The following C12orf42 variants were observed in gnomAD, a reference collection of about 807,000 sequenced individuals.
C12orf42 encodes the protein chromosome 12 open reading frame 42.
Under a neutral mutation model 21.6 loss-of-function variants are expected in C12orf42, and 25 were observed. The ratio of observed to expected loss-of-function variants is 1.16; its 90% CI spans 0.84 to 1.62. The LOEUF is 1.62. Among genes scored for constraint, C12orf42 ranks in the 40% most tolerant of loss-of-function variants. C12orf42 has a pLI of 0.00. For synonymous variants in C12orf42, 174 were observed against 175.0 expected, an observed-to-expected ratio of 0.99 and a Z score of 0.05; for missense variants, 483 against 459.3, an observed-to-expected ratio of 1.05 and a Z score of -0.47.
At chr12:103,119,958 A>T in the C12orf42 span, among the ~76,000 whole-genome samples, 2 of 152,202 alleles carry the variant, frequency 1.3e-5, no homozygotes, top group Non-Finnish European at 2.9e-5. Flanking sequence ...GCTTCTGAGG[A>T]AATCTGCCAT....
chr12:103,106,492 T>C, the C12orf42 span, among the ~76,000 whole-genome samples: 3,453 of 152,192 alleles, frequency 0.023, 55 homozygotes, highest in African/African-American at 0.044. Flanking sequence ...TATGGAATTA[T>C]AATTTTAGAC....
the C12orf42 span, among the ~76,000 whole-genome samples, chr12:103,182,649 T>C: frequency 1.4e-3 from 218 of 152,314 alleles, 5 homozygotes; most frequent in Admixed American, 0.013. Context: ...CTCTTATATT[T>C]CTATTTTTCA....
Position 103,421,578 on chromosome 12 carries a change from TATAAATAAATAAATAAATAA to T in C12orf42, c.79-19923_79-19904del, listed in dbSNP as rs58157140. Among the ~76,000 whole-genome samples the T allele has an allele frequency of 3.8e-3, 564 of 147,300 alleles. 7 individuals carry two copies. The highest frequency in any genetic ancestry group is 0.013 in the African/African-American group (514 of 39,804). On this transcript the variant is annotated intron_variant, in intron 2 of 5. Transcript: ENST00000548883. ...AACAGAGCAAGACCTTGTCAATAAA[TATAAATAAATAAATAAATAA>T]ATAAATAAATAAATAAATAAATATC... is the stretch of plus-strand genomic sequence containing the variant.
chr12:103,074,689 C>A, the C12orf42 span, among the ~76,000 whole-genome samples: 1 of 152,106 alleles, frequency 6.6e-6, no homozygotes, highest in Admixed American at 6.6e-5. Flanking sequence ...ATAGTGATAC[C>A]TATAAAGTTA....
the C12orf42 span, among the ~76,000 whole-genome samples, chr12:103,560,430 C>G: frequency 0.064 from 722 of 11,220 alleles, 3 homozygotes; most frequent in African/African-American, 0.11. Context: ...GTGTCTTCAT[C>G]TTTTAAATAA....
At chr12:103,389,699 C>T (rs895303471) in intron 3 of C12orf42, among the ~76,000 whole-genome samples, 7 of 152,156 alleles carry the variant, frequency 4.6e-5, no homozygotes, top group South Asian at 2.1e-4. Context: ...ACGCAGAAAA[C>T]GTTCTACTCA....
the C12orf42 span, among the ~76,000 whole-genome samples, chr12:103,063,681 C>T: frequency 6.6e-6 from 1 of 152,304 alleles, no homozygotes; most frequent in African/African-American, 2.4e-5. Flanking sequence ...TACCCGAACA[C>T]CCCTGTTTTC....
At chr12:103,486,179 C>T (rs942042195) in intron 1 of C12orf42, among the ~76,000 whole-genome samples, 14 of 152,160 alleles carry the variant, frequency 9.2e-5, no homozygotes, top group East Asian at 5.8e-4. Context: ...GTTTTTAGCA[C>T]GAAGCGCTGT....
chr12:103,474,313 C>A (rs772171171), intron 2 of C12orf42, among the ~76,000 whole-genome samples: 1 of 152,074 alleles, frequency 6.6e-6, no homozygotes, highest in Non-Finnish European at 1.5e-5. Flanking sequence ...ATTACCAAAA[C>A]GGAAAATTGT....
the C12orf42 span, chr12:103,506,142 C>A: frequency 5.8e-6 from 1 of 173,026 alleles, no homozygotes. Context: ...GATAGATCCT[C>A]TCCTCTAACT....
chr12:103,460,011 TC>T (rs1243363981), intron 2 of C12orf42, among the ~76,000 whole-genome samples: 1 of 152,102 alleles, frequency 6.6e-6, no homozygotes, highest in East Asian at 1.9e-4. Flanking sequence ...TTTACTGCCA[TC>T]CCCATCTTTC....
chr12:103,544,904 G>A, the C12orf42 span, among the ~76,000 whole-genome samples: 110,705 of 151,958 alleles, frequency 0.73, 41,871 homozygotes, highest in African/African-American at 0.93. Context: ...ACCTCAACAC[G>A]CTCAACCTGT....
At chr12:103,425,362 G>A (rs1016241944) in intron 2 of C12orf42, among the ~76,000 whole-genome samples, 3 of 152,186 alleles carry the variant, frequency 2.0e-5, no homozygotes, top group Non-Finnish European at 2.9e-5. Context: ...CTCCTCAAGT[G>A]GGTGCCTGCC....
At chr12:103,500,127 A>C (rs1041796410), upstream of C12orf42, among the ~76,000 whole-genome samples, 9 of 152,228 alleles carry the variant, frequency 5.9e-5, no homozygotes, top group African/African-American at 2.2e-4. Flanking sequence ...CATTTGCAAA[A>C]GTTTATGAAA....
At chr12:103,459,834 T>C (rs1285831611) in intron 2 of C12orf42, among the ~76,000 whole-genome samples, 1 of 152,228 alleles carries the variant, frequency 6.6e-6, no homozygotes, top group Non-Finnish European at 1.5e-5. Context: ...GGCTTTGCTC[T>C]ACCTGGAGGC....
the C12orf42 span, among the ~76,000 whole-genome samples, chr12:103,064,959 G>A: frequency 5.3e-5 from 8 of 152,218 alleles, no homozygotes; most frequent in Non-Finnish European, 7.3e-5. Flanking sequence ...GTGCAAGAAT[G>A]CATAATTGGC....
chr12:103,188,695 A>T, the C12orf42 span, among the ~76,000 whole-genome samples: 1 of 151,876 alleles, frequency 6.6e-6, no homozygotes, highest in Non-Finnish European at 1.5e-5. Flanking sequence ...GCACCTCCCC[A>T]CCTCTCTCTT....
intron 4 of C12orf42, among the ~76,000 whole-genome samples, chr12:103,328,157 G>A (rs2040879304): frequency 2.6e-5 from 4 of 151,924 alleles, no homozygotes; most frequent in Admixed American, 2.6e-4. Context: ...TCTCATCAAG[G>A]GAAAAATATC....
the C12orf42 span, among the ~76,000 whole-genome samples, chr12:103,111,785 A>G: frequency 4.6e-5 from 7 of 152,234 alleles, no homozygotes; most frequent in Admixed American, 3.3e-4. Context: ...TTTAAGAGTC[A>G]TGACTCCATT....
Sources: gnomAD v4.1 joint callset for allele counts (sites outside exome capture counted in the v4.1 genomes callset) on GRCh38, gnomAD v4.1.1 for gene constraint, MANE v1.5 for transcripts, NCBI Gene and HGNC (gene_info 2026-07-23, HGNC 2026-07-21) for gene names.